The following CCDC30 variants were observed in gnomAD, a reference collection of about 807,000 sequenced individuals.
The protein encoded by CCDC30 is coiled-coil domain-containing protein 30.
Under a neutral mutation model 100.2 loss-of-function variants are expected in CCDC30, and 70 were observed. That is an observed-to-expected ratio of 0.70 (90% CI 0.58 to 0.85). CCDC30 has a LOEUF of 0.85. Ranked by LOEUF, CCDC30 falls within the 40% of genes least tolerant of loss-of-function variation. The pLI, the probability that CCDC30 is intolerant of heterozygous loss-of-function variation, is 0.00. For missense variants in CCDC30, 652 were observed against 771.2 expected (o/e 0.85, Z 1.83); for synonymous variants, 233 against 269.5 (o/e 0.86, Z 1.33).
chr1:42,510,128 A>G, intron 6 of CCDC30: 4 of 985,300 alleles, frequency 4.1e-6, no homozygotes, highest in Non-Finnish European at 4.8e-6. Context: ...TGGAAGTTGC[A>G]TTTGAGGGTT....
chr1:42,537,189 T>TAG, intron 6 of CCDC30: 1 of 456,270 alleles, frequency 2.2e-6, no homozygotes, highest in Non-Finnish European at 4.4e-6. Context: ...GTAGTGTTCA[T>TAG]AGAGTCATGG....
chr1:42,542,827 ACAGGC>A (rs1435357611), intron 6 of CCDC30: 1 of 113,842 alleles, frequency 8.8e-6, no homozygotes, highest in African/African-American at 2.9e-5. Context: ...TGCTGGGATT[ACAGGC>A]GTGAGCCACC....
At chr1:42,456,840 A>G in the CCDC30 span, 5 of 1,613,208 alleles carry the variant, frequency 3.1e-6, no homozygotes, top group South Asian at 1.1e-5. Context: ...GCCTTCCCCT[A>G]TGCCCACCGC....
chr1:42,476,895 G>A (rs201203213), intron 1 of CCDC30, among the ~76,000 whole-genome samples: 2 of 130,282 alleles, frequency 1.5e-5, no homozygotes, highest in South Asian at 4.7e-4. Flanking sequence ...TTTTTTTTTT[G>A]TTTTTTTTTT....
chr1:42,554,239 T>C (rs184018448), intron 6 of CCDC30, among the ~76,000 whole-genome samples: 154 of 152,122 alleles, frequency 1.0e-3, no homozygotes, highest in Non-Finnish European at 1.9e-3. Context: ...CTCATTCATA[T>C]GCAATTATTC....
At chr1:42,627,188 G>A (rs1234546195) in intron 11 of CCDC30, among the ~76,000 whole-genome samples, 1 of 152,172 alleles carries the variant, frequency 6.6e-6, no homozygotes, top group African/African-American at 2.4e-5. Flanking sequence ...GAGCAAGGGT[G>A]ATTCTTGTTA....
At chr1:42,471,943 GTCTGTCACTGCAAT>G in intron 1 of CCDC30, among the ~76,000 whole-genome samples, 1 of 152,252 alleles carries the variant, frequency 6.6e-6, no homozygotes, top group Middle Eastern at 3.4e-3. Flanking sequence ...TAACAATTAT[GTCTGTCACTGCAAT>G]TTGGGTCAGA....
At chr1:42,474,445 G>A (rs1271948205) in intron 1 of CCDC30, among the ~76,000 whole-genome samples, 2 of 152,136 alleles carry the variant, frequency 1.3e-5, no homozygotes, top group African/African-American at 4.8e-5. Flanking sequence ...CATTAGAAAT[G>A]GATATTGTTC....
At chr1:42,459,882 A>T (rs1241926881), upstream of CCDC30, 2 of 1,613,670 alleles carry the variant, frequency 1.2e-6, no homozygotes, top group East Asian at 2.2e-5. Context: ...GATAGTGGAT[A>T]ATCTTCAGTC....
At chr1:42,484,585 T>C (rs1376355025) in intron 3 of CCDC30, among the ~76,000 whole-genome samples, 1 of 152,162 alleles carries the variant, frequency 6.6e-6, no homozygotes, top group African/African-American at 2.4e-5. Context: ...AATTAGCAAG[T>C]CCTTTTGGAA....
intron 11 of CCDC30, among the ~76,000 whole-genome samples, chr1:42,632,167 A>G (rs1199473757): frequency 3.9e-5 from 6 of 152,128 alleles, no homozygotes; most frequent in Non-Finnish European, 5.9e-5. Context: ...TCAGGGTCCA[A>G]GGGCTCTTCA....
chr1:42,458,384 T>C (rs1643300739), upstream of CCDC30, among the ~76,000 whole-genome samples: 1 of 152,172 alleles, frequency 6.6e-6, no homozygotes, highest in African/African-American at 2.4e-5. Context: ...TAGTCATTTA[T>C]TGGGTGATAC....
chr1:42,493,340 A>G (rs1644176817), intron 4 of CCDC30, among the ~76,000 whole-genome samples: 1 of 152,248 alleles, frequency 6.6e-6, no homozygotes, highest in Admixed American at 6.5e-5. Context: ...CTGTAATCCC[A>G]GCACTTTGGG....
At chr1:42,559,817 C>A (rs1645449622) in intron 6 of CCDC30, among the ~76,000 whole-genome samples, 1 of 152,120 alleles carries the variant, frequency 6.6e-6, no homozygotes, top group South Asian at 2.1e-4. Flanking sequence ...GAACTCTGTA[C>A]CCCAAATCAA....
chr1:42,522,282 T>A (rs1311271050), intron 6 of CCDC30, among the ~76,000 whole-genome samples: 1 of 152,194 alleles, frequency 6.6e-6, no homozygotes, highest in Non-Finnish European at 1.5e-5. Flanking sequence ...GTAGTTGGAC[T>A]TTTTTAATCC....
chr1:42,545,130 G>A (rs1333532486), intron 6 of CCDC30, among the ~76,000 whole-genome samples: 1 of 120,132 alleles, frequency 8.3e-6, no homozygotes, highest in Non-Finnish European at 1.6e-5. Flanking sequence ...ACAGCACTCT[G>A]AGAACCCAAC....
intron 6 of CCDC30, among the ~76,000 whole-genome samples, chr1:42,511,060 G>T (rs556659179): frequency 1.3e-5 from 2 of 152,064 alleles, no homozygotes; most frequent in Non-Finnish European, 1.5e-5. Context: ...AGAAAAAGGC[G>T]TCCCTTTAAT....
chr1:42,539,606 A>G (rs1192058291), intron 6 of CCDC30, among the ~76,000 whole-genome samples: 2 of 152,048 alleles, frequency 1.3e-5, no homozygotes, highest in African/African-American at 4.8e-5. Context: ...AATGTAAAAT[A>G]TTTATTTAAA....
intron 6 of CCDC30, chr1:42,536,528 AAGAGAG>A: frequency 1.3e-6 from 2 of 1,527,860 alleles, no homozygotes; most frequent in African/African-American, 1.4e-5. Context: ...GAGTGGTCAA[AAGAGAG>A]AGAGAGAGAG....
Sources: allele counts gnomAD v4.1 joint callset (sites outside exome capture counted in the v4.1 genomes callset), GRCh38; gene constraint gnomAD v4.1.1; transcripts MANE v1.5; gene names NCBI Gene and HGNC (gene_info 2026-07-23, HGNC 2026-07-21).